SSBP2: variants seen among roughly 807,000 people sequenced by gnomAD.
SSBP2 encodes the protein single-stranded DNA-binding protein 2.
Under a neutral mutation model 61.8 loss-of-function variants are expected in SSBP2, and 17 were observed. The ratio of observed to expected loss-of-function variants is 0.28; its 90% CI spans 0.19 to 0.41. The LOEUF is 0.41. Among genes scored for constraint, SSBP2 ranks in the 10% least tolerant of loss-of-function variants. The probability of loss-of-function intolerance (pLI) is 1.00; values close to 1 mark genes in which losing one functional copy is unlikely to be tolerated. For synonymous variants in SSBP2, 139 were observed against 141.3 expected, an observed-to-expected ratio of 0.98 and a Z score of 0.12; for missense variants, 310 against 458.7, an observed-to-expected ratio of 0.68 and a Z score of 2.96.
At chr5:81,740,487 G>A (rs1291912072) in intron 1 of SSBP2, among the ~76,000 whole-genome samples, 1 of 152,076 alleles carries the variant, frequency 6.6e-6, no homozygotes, top group African/African-American at 2.4e-5. Flanking sequence ...CTAATAGCCA[G>A]TATTACAGAA....
At chr5:81,441,821 C>T (rs1763058743) in intron 13 of SSBP2, among the ~76,000 whole-genome samples, 1 of 152,110 alleles carries the variant, frequency 6.6e-6, no homozygotes, top group African/African-American at 2.4e-5. Flanking sequence ...ATATATAAGT[C>T]AAAGAAATAA....
intron 2 of SSBP2, among the ~76,000 whole-genome samples, chr5:81,643,897 C>G (rs1749038406): frequency 6.6e-6 from 1 of 152,120 alleles, no homozygotes; most frequent in African/African-American, 2.4e-5. Flanking sequence ...GCCACCGCGC[C>G]TGGCCCAAAT....
At chr5:81,614,354 C>A (rs1303188041) in intron 4 of SSBP2, among the ~76,000 whole-genome samples, 3 of 104,524 alleles carry the variant, frequency 2.9e-5, no homozygotes, top group Non-Finnish European at 5.6e-5. Flanking sequence ...AGCGAGACTC[C>A]GTCTCAAAAA....
At chr5:81,679,393 A>G (rs1247251575) in intron 1 of SSBP2, among the ~76,000 whole-genome samples, 10 of 152,218 alleles carry the variant, frequency 6.6e-5, no homozygotes, top group Admixed American at 2.6e-4. Flanking sequence ...ATGCTTATAT[A>G]CGTATCCTTA....
intron 1 of SSBP2, among the ~76,000 whole-genome samples, chr5:81,746,263 C>G (rs1171841263): frequency 6.6e-6 from 1 of 151,820 alleles, no homozygotes; most frequent in East Asian, 1.9e-4. Flanking sequence ...CAATCAAAAG[C>G]TAACATGACA....
intron 1 of SSBP2, among the ~76,000 whole-genome samples, chr5:81,673,246 T>C (rs1326545795): frequency 6.6e-6 from 1 of 152,164 alleles, no homozygotes; most frequent in African/African-American, 2.4e-5. Flanking sequence ...TAAGTCCAGA[T>C]GAAAATAATC....
In SSBP2 at chr5:81,572,282, T is replaced by C. The variant is rs141062169; in HGVS notation, c.282+43191A>G. 2.8e-3 allele frequency among the ~76,000 whole-genome samples: 427 copies of C among 152,310 alleles called. 2 individuals are homozygous for C. The highest frequency in any genetic ancestry group is 5.6e-3 in the Non-Finnish European group (380 of 67,988). On this transcript the variant is annotated intron_variant, in intron 4 of 16. Coordinates refer to ENST00000320672, the MANE Select transcript of SSBP2 (RefSeq NM_012446.5). ...ATATTAGAGCCTCTGAGACAAGAAT[T>C]GAGAAATAAATCTGTTTTGGTTTCT...
intron 5 of SSBP2, among the ~76,000 whole-genome samples, chr5:81,496,862 A>C (rs1223600177): frequency 6.6e-6 from 1 of 152,218 alleles, no homozygotes; most frequent in Non-Finnish European, 1.5e-5. Context: ...TACCAGGCTC[A>C]TTTTATGGTC....
At chr5:81,750,089 C>G (rs1469633430) in intron 1 of SSBP2, among the ~76,000 whole-genome samples, 1 of 151,930 alleles carries the variant, frequency 6.6e-6, no homozygotes, top group African/African-American at 2.4e-5. Context: ...AAAAGTTCGC[C>G]AGCCGCCGCC....
chr5:81,743,094 G>A (rs1008495751), intron 1 of SSBP2, among the ~76,000 whole-genome samples: 3 of 152,052 alleles, frequency 2.0e-5, no homozygotes, highest in Non-Finnish European at 2.9e-5. Flanking sequence ...TTCAGAACAA[G>A]TTTATCCTTA....
chr5:81,650,309 G>T lies in SSBP2; in HGVS notation c.93C>A (p.Leu31=). ...GAGCTGATTTCTGAGCTCCTACATG[G>T]AGCAGATATTCATATACGTAGAGTG... The change falls in exon 2 of 17, where the codon CTC becomes CTA. Residue 31 remains leucine (L), a synonymous_variant. Coordinates refer to ENST00000320672, the MANE Select transcript of SSBP2 (RefSeq NM_012446.5). The T allele has an allele frequency of 1.3e-6, 2 of 1,591,238 alleles. No individual in the cohort carries two copies. Among genetic ancestry groups the T allele is most frequent in the Non-Finnish European group, 8.6e-7 (1 of 1,169,524 alleles).
At chr5:81,448,462 A>G (rs1763548326) in intron 11 of SSBP2, among the ~76,000 whole-genome samples, 1 of 152,186 alleles carries the variant, frequency 6.6e-6, no homozygotes, top group African/African-American at 2.4e-5. Context: ...ACTGGGGTGT[A>G]GATTATTCTC....
At chr5:81,551,974 T>G (rs1772227338) in intron 4 of SSBP2, among the ~76,000 whole-genome samples, 1 of 152,204 alleles carries the variant, frequency 6.6e-6, no homozygotes. Context: ...AACATTTAAT[T>G]GAATCATAAA....
At chr5:81,653,127 G>A (rs1749897437) in intron 1 of SSBP2, among the ~76,000 whole-genome samples, 1 of 151,910 alleles carries the variant, frequency 6.6e-6, no homozygotes. Flanking sequence ...GCCCCAGTGT[G>A]TGATGTTCCC....
intron 4 of SSBP2, among the ~76,000 whole-genome samples, chr5:81,571,783 C>A (rs1773861713): frequency 6.6e-6 from 1 of 152,024 alleles, no homozygotes; most frequent in African/African-American, 2.4e-5. Context: ...GTAAATTTTC[C>A]TATTCTTCTG....
At chr5:81,544,288 C>T (rs1258641781) in intron 4 of SSBP2, among the ~76,000 whole-genome samples, 1 of 151,368 alleles carries the variant, frequency 6.6e-6, no homozygotes, top group African/African-American at 2.4e-5. Flanking sequence ...ACCTCGTGAT[C>T]CGCCCCCCTC....
intron 2 of SSBP2, among the ~76,000 whole-genome samples, chr5:81,649,171 T>C (rs1013073716): frequency 6.6e-6 from 1 of 152,154 alleles, no homozygotes; most frequent in African/African-American, 2.4e-5. Context: ...ATAAACACTC[T>C]GAGCCTTGTT....
In SSBP2 at chr5:81,716,977, T is replaced by C. The variant is rs1024856235; in HGVS notation, c.62+34004A>G. 5.3e-5 allele frequency among the ~76,000 whole-genome samples: 8 copies of C among 152,330 alleles called. No individual in the cohort carries two copies. In the East Asian group the frequency reaches 1.3e-3, roughly 26 times the overall value. On this transcript the variant is annotated intron_variant, in intron 1 of 16. Transcript: ENST00000320672. ...TGAACTTCACCAGAAGAATTTTTCA[T>C]TTTAAAATTTCCTTCAGTTAATTGT...
At chr5:81,637,895 C>T (rs1581224510) in intron 2 of SSBP2, among the ~76,000 whole-genome samples, 1 of 152,154 alleles carries the variant, frequency 6.6e-6, no homozygotes, top group African/African-American at 2.4e-5. Flanking sequence ...AACTGTGGCA[C>T]ATATACACCA....
Sources: gnomAD v4.1 joint callset for allele counts (sites outside exome capture counted in the v4.1 genomes callset) on GRCh38, gnomAD v4.1.1 for gene constraint, MANE v1.5 for transcripts, NCBI Gene and HGNC (gene_info 2026-07-23, HGNC 2026-07-21) for gene names.